Variants in ZNF728 observed in about 807,000 individuals in gnomAD.
ZNF728 encodes zinc finger protein 728.
A neutral mutation model predicts 12.5 loss-of-function variants in ZNF728; 12 were observed. The observed-to-expected ratio is 0.96, with a 90% CI of 0.61 to 1.55. The LOEUF is 1.55. Among genes scored for constraint, ZNF728 ranks in the 40% most tolerant of loss-of-function variants. The pLI, the probability that ZNF728 is intolerant of heterozygous loss-of-function variation, is 0.00. For missense variants in ZNF728, 692 were observed against 719.2 expected (o/e 0.96, Z 0.43); for synonymous variants, 205 against 240.7 (o/e 0.85, Z 1.37).
At chr19:22,998,979 G>C (rs1969078445) in intron 1 of ZNF728, among the ~76,000 whole-genome samples, 1 of 152,126 alleles carries the variant, frequency 6.6e-6, no homozygotes, top group Admixed American at 6.5e-5. Context: ...AAATTCACTT[G>C]TTTATTTTCT....
At chr19:22,993,067 C>T (rs529149365) in intron 1 of ZNF728, among the ~76,000 whole-genome samples, 187 of 152,302 alleles carry the variant, frequency 1.2e-3, no homozygotes, top group Non-Finnish European at 2.1e-3. Context: ...TAGTTGTGGT[C>T]ATGGCTCTGG....
chr19:22,984,789 G>A (rs913862869), intron 3 of ZNF728, among the ~76,000 whole-genome samples: 4 of 151,754 alleles, frequency 2.6e-5, no homozygotes, highest in Admixed American at 2.6e-4. Flanking sequence ...AACCCCAAAA[G>A]TATATAGAAT....
rs751152431 is a variant in ZNF728, at chr19:23,003,025, C to G, written c.3+3G>C. On this transcript the variant is annotated splice_donor_region_variant and intron_variant, in intron 1 of 3. Coordinates refer to ENST00000594710, the MANE Select transcript of ZNF728 (RefSeq NM_001267716.2). ...CTCGGGATGTCGGACCCGGCTGACT[C>G]ACCATTTCTAGGCTTCCGGGGGTCC... The G allele has an allele frequency of 2.5e-6, 4 of 1,584,734 alleles. No individual in the cohort carries two copies. The highest frequency in any genetic ancestry group is 1.7e-6 in the Non-Finnish European group (2 of 1,165,600).
chr19:22,982,925 C>G lies in ZNF728; in HGVS notation c.226+4383G>C, dbSNP rs1489605288. 2.6e-5 allele frequency among the ~76,000 whole-genome samples: 4 copies of G among 152,134 alleles called. No individual in the cohort carries two copies. The South Asian group carries it at 6.2e-4, about 24-fold the overall frequency. On this transcript the variant is annotated intron_variant, in intron 3 of 3. Coordinates refer to ENST00000594710, the MANE Select transcript of ZNF728 (RefSeq NM_001267716.2). The stretch of plus-strand genomic sequence containing the variant: ...TAAAAACCCTAGAAGAAAACCTAGA[C>G]AATGCCATTCAGGACACAGGCATGG...
chr19:22,984,575 A>AAAACACAC (rs1599528916), intron 3 of ZNF728, among the ~76,000 whole-genome samples: 1 of 70,082 alleles, frequency 1.4e-5, no homozygotes, highest in African/African-American at 9.6e-5. Context: ...AAAAAAAAAA[A>AAAACACAC]ATACACACAC....
At chr19:22,977,161 T>C in intron 3 of ZNF728, 51 bp from the exon 4 acceptor site, 1 of 1,442,328 alleles carries the variant, frequency 6.9e-7, no homozygotes, top group Non-Finnish European at 9.2e-7. Flanking sequence ...ATAAATATAG[T>C]TTCCAAATTT....
At chr19:22,985,450 G>C (rs1475763379) in intron 3 of ZNF728, among the ~76,000 whole-genome samples, 6 of 152,190 alleles carry the variant, frequency 3.9e-5, no homozygotes, top group Non-Finnish European at 8.8e-5. Context: ...TATGCAGTGA[G>C]ACCCCATCTC....
chr19:22,977,842 T>G (rs1429729489), intron 3 of ZNF728, among the ~76,000 whole-genome samples: 1 of 152,056 alleles, frequency 6.6e-6, no homozygotes, highest in Non-Finnish European at 1.5e-5. Flanking sequence ...ATCTCAAAGA[T>G]TACAATCTAT....
Position 22,977,014 on chromosome 19 carries a change from T to G in ZNF728, c.323A>C (p.His108Pro). 1 of 1,613,480 alleles carries G rather than the reference T, an allele frequency of 6.2e-7. No individual in the cohort carries two copies. Among genetic ancestry groups the G allele is most frequent in the Non-Finnish European group, 8.5e-7 (1 of 1,179,766 alleles). The stretch of plus-strand genomic sequence containing the variant: ...ACCAATTTTTAACTGTAAATTCTCA[T>G]GTCCACATTTTTCATATCTTCTCAA... ...VILRRYEKCG[H>P]ENLQLKIGCT... is the part of the protein sequence containing the mutation. Residue 108 changes from histidine (H) to proline (P), a missense_variant, in exon 4 of 4, where the codon CAT (histidine) becomes CCT (proline). Physicochemically the swap from His to Pro is moderately conservative, Grantham distance 77. Coordinates refer to ENST00000594710, the MANE Select transcript of ZNF728 (RefSeq NM_001267716.2).
At chr19:22,983,230 T>C (rs1442346102) in intron 3 of ZNF728, among the ~76,000 whole-genome samples, 1 of 150,862 alleles carries the variant, frequency 6.6e-6, no homozygotes, top group Non-Finnish European at 1.5e-5. Context: ...AAAAAAGACA[T>C]TTATGTGGCC....
chr19:22,984,297 G>A (rs895442711), intron 3 of ZNF728, among the ~76,000 whole-genome samples: 3 of 151,504 alleles, frequency 2.0e-5, no homozygotes, highest in African/African-American at 4.8e-5. Flanking sequence ...GGTGGCTCAC[G>A]CCTGTAATCC....
intron 3 of ZNF728, among the ~76,000 whole-genome samples, chr19:22,978,686 G>A (rs1189634873): frequency 6.6e-6 from 1 of 152,200 alleles, no homozygotes; most frequent in Non-Finnish European, 1.5e-5. Context: ...TTGCTGTTCT[G>A]TAGCCTCAGC....
In ZNF728 at chr19:22,980,995, C is replaced by A. The variant is rs74839437; in HGVS notation, c.227-3885G>T. Among the ~76,000 whole-genome samples the A allele has an allele frequency of 1.5e-3, 231 of 151,518 alleles. 3 individuals carry two copies. In the East Asian group the frequency reaches 0.038, roughly 25 times the overall value. ...GAAGCAAGAACAAATAAATTCAAACCCTAGCAGAAGATAACAAATAACTAA... is the reference window on the plus strand; with the variant it reads ...GAAGCAAGAACAAATAAATTCAAACACTAGCAGAAGATAACAAATAACTAA... On this transcript the variant is annotated intron_variant, in intron 3 of 3. Coordinates refer to ENST00000594710, the MANE Select transcript of ZNF728 (RefSeq NM_001267716.2).
intron 1 of ZNF728, among the ~76,000 whole-genome samples, chr19:22,994,439 G>C (rs1969027467): frequency 6.6e-6 from 1 of 152,186 alleles, no homozygotes; most frequent in Admixed American, 6.6e-5. Flanking sequence ...CACAGTAACA[G>C]AACAGAAAGA....
chr19:22,999,995 A>AT (rs1568279035), intron 1 of ZNF728, among the ~76,000 whole-genome samples: 1 of 152,032 alleles, frequency 6.6e-6, no homozygotes, highest in Non-Finnish European at 1.5e-5. Flanking sequence ...TGGAAGAAAA[A>AT]TTTTTCTTAT....
At chr19:22,993,971 A>G (rs289294) in intron 1 of ZNF728, among the ~76,000 whole-genome samples, 46,526 of 152,010 alleles carry the variant, frequency 0.31, 9,246 homozygotes, top group African/African-American at 0.57. Context: ...CATGGGTAAA[A>G]TAGCAGCAAG....
At position 22,976,695 on chromosome 19, in the gene ZNF728, T is replaced by G; in HGVS notation, c.642A>C (p.Ser214=). ...EEHGKAFNWS[S]ALTYKRIHTG... is the part of the protein sequence containing the mutation. ...TATGAATTCTCTTATAAGTAAGGGC[T>G]GAGGACCAGTTAAAGGCTTTGCCAT... The change falls in exon 4 of 4, where the codon TCA becomes TCC. Residue 214 remains serine, a synonymous_variant. Coordinates refer to ENST00000594710, the MANE Select transcript of ZNF728 (RefSeq NM_001267716.2). 2 of 1,613,238 alleles carry G rather than the reference T, an allele frequency of 1.2e-6. No individual in the cohort carries two copies. The highest frequency in any genetic ancestry group is 1.7e-6 in the Non-Finnish European group (2 of 1,179,808).
At chr19:22,983,258 G>C (rs1968879579) in intron 3 of ZNF728, among the ~76,000 whole-genome samples, 1 of 151,986 alleles carries the variant, frequency 6.6e-6, no homozygotes, top group Non-Finnish European at 1.5e-5. Context: ...ATGAAAAAAA[G>C]CTCATCATCA....
At chr19:22,978,773 T>G (rs1968832355) in intron 3 of ZNF728, among the ~76,000 whole-genome samples, 3 of 152,274 alleles carry the variant, frequency 2.0e-5, no homozygotes, top group African/African-American at 7.2e-5. Context: ...GGGGCCTGAC[T>G]GTTAAAAGAA....
Sources: gnomAD v4.1 joint callset for allele counts (sites outside exome capture counted in the v4.1 genomes callset) on GRCh38, gnomAD v4.1.1 for gene constraint, MANE v1.5 for transcripts, NCBI Gene and HGNC (gene_info 2026-07-23, HGNC 2026-07-21) for gene names.